AFF2: variants seen among roughly 807,000 people sequenced by gnomAD.
AFF2 encodes AF4/FMR2 family member 2.
A neutral mutation model predicts 76.9 loss-of-function variants in AFF2; 14 were observed. That is an observed-to-expected ratio of 0.18 (90% CI 0.12 to 0.28). The LOEUF is 0.28. AFF2 is among the 10% of genes least tolerant of loss of function. The pLI, the probability that AFF2 is intolerant of heterozygous loss-of-function variation, is 1.00. For synonymous variants in AFF2, 398 were observed against 366.7 expected (o/e 1.09, Z -0.98); for missense variants, 868 against 1,001.1 (o/e 0.87, Z 1.79).
chrX:148,694,810 C>CTTTTT (rs34803945), intron 3 of AFF2, among the ~76,000 whole-genome samples: 3 of 49,117 alleles, frequency 6.1e-5, no homozygotes, highest in Non-Finnish European at 1.1e-4. Context: ...TCACAAAGCA[C>CTTTTT]TTTTTTTTTT....
chrX:148,693,720 A>G (rs2054680967), intron 3 of AFF2, among the ~76,000 whole-genome samples: 2 of 112,020 alleles, frequency 1.8e-5, no homozygotes, highest in African/African-American at 6.5e-5. Context: ...TCCCTTCTGT[A>G]CACATCAGAT....
chrX:148,661,222 A>G (rs1216188698), intron 2 of AFF2, among the ~76,000 whole-genome samples: 1 of 112,834 alleles, frequency 8.9e-6, no homozygotes, highest in East Asian at 2.8e-4. Context: ...CTGTTGATGA[A>G]CAATTGCATC....
Position 148,614,693 on chromosome X carries a change from T to TTTTCTTTCTTTCTTTCTTTC in AFF2, c.48-37285_48-37266dup, listed in dbSNP as rs548569376. Among the ~76,000 whole-genome samples, 24 of 56,121 alleles carry TTTTCTTTCTTTCTTTCTTTC rather than the reference T, an allele frequency of 4.3e-4. 1 individual carries two copies. The highest frequency in any genetic ancestry group is 1.6e-3 in the African/African-American group (15 of 9,353). 48.7% of individuals were successfully genotyped at this position (56,121 alleles called of 115,157 possible). A position where few individuals can be genotyped will look rare whatever the true frequency, so the allele number is the denominator to read the frequency against. On this transcript the variant is annotated intron_variant, in intron 1 of 20. Transcript: ENST00000370460. ...CTTTTCTTCCTTCTTTCCTTCTTTC[T>TTTTCTTTCTTTCTTTCTTTC]TTTCTTTCTTTCTTTCTTTCTTTCT...
chrX:148,825,936 T>G (rs1452878867), intron 4 of AFF2, among the ~76,000 whole-genome samples: 3 of 109,653 alleles, frequency 2.7e-5, no homozygotes, highest in Non-Finnish European at 5.7e-5. Context: ...ATCCCAGGCC[T>G]GAGAGATCCA....
chrX:148,672,594 T>G (rs1163247341), intron 3 of AFF2, among the ~76,000 whole-genome samples: 2 of 112,367 alleles, frequency 1.8e-5, no homozygotes, highest in Non-Finnish European at 3.8e-5. Flanking sequence ...GAATCCAGCT[T>G]AAGTTAAAAT....
intron 1 of AFF2, among the ~76,000 whole-genome samples, chrX:148,541,241 C>T (rs1461983516): frequency 1.8e-5 from 2 of 112,379 alleles, no homozygotes; most frequent in African/African-American, 6.5e-5. Flanking sequence ...ACATGGGATG[C>T]ACAATACAGT....
At chrX:148,820,530 T>C (rs894015868) in intron 4 of AFF2, among the ~76,000 whole-genome samples, 14 of 111,825 alleles carry the variant, frequency 1.3e-4, no homozygotes, top group African/African-American at 4.2e-4. Context: ...TGTAACAACA[T>C]GAGGAAAAAT....
chrX:148,560,406 G>A (rs1257492489), intron 1 of AFF2, among the ~76,000 whole-genome samples: 4 of 111,855 alleles, frequency 3.6e-5, no homozygotes, highest in Non-Finnish European at 5.6e-5. Context: ...AGACTTAAAC[G>A]TAAGACCTAA....
At chrX:148,962,471 G>A (rs1280492802) in intron 12 of AFF2, among the ~76,000 whole-genome samples, 2 of 111,905 alleles carry the variant, frequency 1.8e-5, no homozygotes, top group Non-Finnish European at 3.8e-5. Flanking sequence ...GAGTTCTGCT[G>A]CAAAGACATG....
At chrX:148,798,159 A>G (rs782720890) in intron 3 of AFF2, among the ~76,000 whole-genome samples, 3 of 110,462 alleles carry the variant, frequency 2.7e-5, no homozygotes, top group South Asian at 3.9e-4. Flanking sequence ...GAGGTTGGGG[A>G]GAGAGAGAGA....
chrX:148,524,097 T>TTCTCTCTCTCTC (rs374800530), intron 1 of AFF2, among the ~76,000 whole-genome samples: 1 of 78,240 alleles, frequency 1.3e-5, no homozygotes, highest in Non-Finnish European at 2.4e-5. Context: ...CTCTCTCTCT[T>TTCTCTCTCTCTC]TCTCTCTCTC....
chrX:148,666,626 AAAT>A (rs2054363475), intron 3 of AFF2, among the ~76,000 whole-genome samples: 2 of 109,828 alleles, frequency 1.8e-5, no homozygotes, highest in Non-Finnish European at 3.8e-5. Context: ...ATAAATAAAT[AAAT>A]AACAAAACTT....
chrX:148,675,935 TAGA>T (rs1478986935), intron 3 of AFF2, among the ~76,000 whole-genome samples: 1 of 111,070 alleles, frequency 9.0e-6, no homozygotes, highest in Non-Finnish European at 1.9e-5. Context: ...ATAATAAATC[TAGA>T]AGGAGTGGTC....
At chrX:148,808,548 T>C (rs1474382322) in intron 3 of AFF2, among the ~76,000 whole-genome samples, 2 of 112,180 alleles carry the variant, frequency 1.8e-5, no homozygotes, top group African/African-American at 6.5e-5. Context: ...TCATCCAAAC[T>C]GGAGGACATT....
At chrX:148,941,679 TGAA>T (rs1484885744) in intron 9 of AFF2, among the ~76,000 whole-genome samples, 1 of 112,155 alleles carries the variant, frequency 8.9e-6, no homozygotes, top group African/African-American at 3.2e-5. Flanking sequence ...AAACTGAAGC[TGAA>T]GAAGGAGTTG....
Position 148,785,247 on chromosome X carries a change from A to G in AFF2, c.1042-24629A>G, listed in dbSNP as rs782084950. Among the ~76,000 whole-genome samples, 13 of 111,736 alleles carry G rather than the reference A, an allele frequency of 1.2e-4. 1 individual carries two copies. Among genetic ancestry groups the G allele is most frequent in the African/African-American group, 4.2e-4 (13 of 30,711 alleles). ...GCTTTTAGTCCTGGATTTTATTACTATCTTTCTCTGTCATCCATATGGTTT... is the reference window on the plus strand; with the variant it reads ...GCTTTTAGTCCTGGATTTTATTACTGTCTTTCTCTGTCATCCATATGGTTT... On this transcript the variant is annotated intron_variant, in intron 3 of 20. Transcript: ENST00000370460.
intron 9 of AFF2, among the ~76,000 whole-genome samples, chrX:148,927,561 T>C (rs1218872601): frequency 9.0e-6 from 1 of 111,021 alleles, no homozygotes; most frequent in African/African-American, 3.3e-5. Flanking sequence ...CTGTAGTTTA[T>C]AGAAGGAAAG....
chrX:148,805,291 G>A (rs2070114172), intron 3 of AFF2, among the ~76,000 whole-genome samples: 1 of 111,457 alleles, frequency 9.0e-6, no homozygotes, highest in African/African-American at 3.3e-5. Context: ...TGTTTGTCAA[G>A]GTGGAATATG....
At chrX:148,655,801 A>T (rs1557257004) in intron 2 of AFF2, among the ~76,000 whole-genome samples, 1 of 111,230 alleles carries the variant, frequency 9.0e-6, no homozygotes, top group African/African-American at 3.3e-5. Flanking sequence ...ATATCCTTGG[A>T]GTATCTGGAC....
Sources: gnomAD v4.1 joint callset for allele counts (sites outside exome capture counted in the v4.1 genomes callset) on GRCh38, gnomAD v4.1.1 for gene constraint, MANE v1.5 for transcripts, NCBI Gene and HGNC (gene_info 2026-07-23, HGNC 2026-07-21) for gene names.